Variants in DYNC1LI1 observed in about 807,000 individuals in gnomAD.
The protein encoded by DYNC1LI1 is cytoplasmic dynein 1 light intermediate chain 1.
In DYNC1LI1, 19 loss-of-function variants were observed where a neutral mutation model predicts 63.8. That is an observed-to-expected ratio of 0.30 (90% CI 0.21 to 0.44). The LOEUF (loss-of-function observed/expected upper bound fraction) is 0.44, where lower values mean the gene tolerates loss of function less well. Ranked by LOEUF, DYNC1LI1 falls within the 20% of genes least tolerant of loss-of-function variation. The probability of loss-of-function intolerance (pLI) is 1.00; values close to 1 mark genes in which losing one functional copy is unlikely to be tolerated. For missense variants in DYNC1LI1, 565 were observed against 630.2 expected, an observed-to-expected ratio of 0.90 and a Z score of 1.11; for synonymous variants, 225 against 232.3, an observed-to-expected ratio of 0.97 and a Z score of 0.28.
In DYNC1LI1 at chr3:32,541,191, T is replaced by C. The variant is rs766652876; in HGVS notation, c.584A>G (p.Gln195Arg). ...QMEQKLIRDF[Q>R]EYVEPGEDFP... ...GTCTTCTCCTGGCTCTACATATTCT[T>C]GGAAGTCTCTAATCACTGAAAATCA... Residue 195 changes from glutamine (Q) to arginine (R), a missense_variant, in exon 5 of 13, where the codon CAA (glutamine) becomes CGA (arginine). Gln to Arg is a conservative substitution (Grantham distance 43). Transcript: ENST00000273130. 8 of 1,604,376 alleles carry C rather than the reference T, an allele frequency of 5.0e-6. No homozygotes were observed. The East Asian group carries it at 1.6e-4, about 31-fold the overall frequency.
intron 12 of DYNC1LI1, among the ~76,000 whole-genome samples, 157 bp downstream of exon 12, chr3:32,528,289 G>A (rs767225495): frequency 6.6e-6 from 1 of 151,940 alleles, no homozygotes; most frequent in African/African-American, 2.4e-5. Context: ...TTTCTTTTGG[G>A]GAGATAAAAA....
chr3:32,542,884 C>T (rs1485646153), intron 4 of DYNC1LI1, among the ~76,000 whole-genome samples: 1 of 152,194 alleles, frequency 6.6e-6, no homozygotes, highest in Non-Finnish European at 1.5e-5. Context: ...AACAGGTGGG[C>T]ACCGTTCCTC....
intron 8 of DYNC1LI1, 54 bp downstream of exon 8, chr3:32,532,932 C>T (rs1697721808): frequency 4.7e-6 from 7 of 1,482,054 alleles, no homozygotes. Flanking sequence ...GTATGGAATT[C>T]CCCTCAGGTT....
intron 4 of DYNC1LI1, among the ~76,000 whole-genome samples, chr3:32,544,644 C>T (rs1054198620): frequency 4.0e-5 from 6 of 151,242 alleles, no homozygotes; most frequent in Non-Finnish European, 8.8e-5. Context: ...GGCAGGTGCC[C>T]GTAATACCAG....
intron 2 of DYNC1LI1, among the ~76,000 whole-genome samples, chr3:32,557,009 T>C (rs78062543): frequency 0.019 from 2,960 of 152,304 alleles, 41 homozygotes; most frequent in South Asian, 0.041. Flanking sequence ...TGTAAGCTCA[T>C]AATACATTCC....
chr3:32,543,679 T>C (rs566950792), intron 4 of DYNC1LI1, among the ~76,000 whole-genome samples: 2 of 151,498 alleles, frequency 1.3e-5, no homozygotes, highest in Non-Finnish European at 2.9e-5. Context: ...GCGCTGGGAT[T>C]ACAGGCGTGA....
At position 32,538,008 on chromosome 3, in the gene DYNC1LI1, A is replaced by G. The variant is rs1379505685; in HGVS notation, c.739-904T>C. ...ATATATATATATAATTTATATATAT[A>G]ATATATATATATAATTTATATATAT... On this transcript the variant is annotated intron_variant, in intron 5 of 12. Transcript: ENST00000273130. 7.6e-5 allele frequency among the ~76,000 whole-genome samples: 2 copies of G among 26,244 alleles called. 1 individual carries two copies. Among genetic ancestry groups the G allele is most frequent in the Non-Finnish European group, 1.2e-4 (2 of 16,696 alleles). 17.2% of individuals were successfully genotyped at this position (26,244 alleles called of 152,430 possible).
chr3:32,545,736 A>T, intron 3 of DYNC1LI1, 113 bp downstream of exon 3: 1 of 763,848 alleles, frequency 1.3e-6, no homozygotes, highest in South Asian at 1.5e-5. Context: ...GACCAGCATG[A>T]CATCACAGAA....
intron 3 of DYNC1LI1, 64 bp downstream of exon 3, chr3:32,545,785 C>T: frequency 1.8e-6 from 2 of 1,098,190 alleles, no homozygotes; most frequent in East Asian, 4.7e-5. Flanking sequence ...AAATCAAAGA[C>T]TAATGTGAAT....
chr3:32,567,747 A>T (rs1345872433), intron 2 of DYNC1LI1, among the ~76,000 whole-genome samples: 1 of 132,752 alleles, frequency 7.5e-6, no homozygotes, highest in East Asian at 2.4e-4. Flanking sequence ...TCTGTCACCC[A>T]GGCTGGAGTG....
rs553742450 is a variant in DYNC1LI1 at position 32,532,495 on chromosome 3, A to ATG, written c.1080+490_1080+491insCA. The stretch of plus-strand genomic sequence containing the variant: ...AAAAAAAAAAAATGTGTGTATATAT[A>ATG]TATATATATATAAAATTGAAAGTTC... On this transcript the variant is annotated intron_variant, in intron 8 of 12. Coordinates refer to ENST00000273130, the MANE Select transcript of DYNC1LI1 (RefSeq NM_016141.4). The ATG allele has an allele frequency of 1.3e-3, 186 of 146,728 alleles. 3 individuals are homozygous for ATG. The highest frequency in any genetic ancestry group is 4.2e-3 in the African/African-American group (166 of 39,586). 9.1% of individuals were successfully genotyped at this position (146,728 alleles called of 1,614,324 possible). A position where few individuals can be genotyped will look rare whatever the true frequency, so the allele number is the denominator to read the frequency against.
chr3:32,565,126 A>C (rs1412175681), intron 2 of DYNC1LI1, among the ~76,000 whole-genome samples: 1 of 152,232 alleles, frequency 6.6e-6, no homozygotes, highest in Non-Finnish European at 1.5e-5. Context: ...TAAATGGCCC[A>C]CATCTATATT....
intron 5 of DYNC1LI1, among the ~76,000 whole-genome samples, chr3:32,538,924 G>T (rs1575151274): frequency 6.6e-6 from 1 of 152,070 alleles, no homozygotes; most frequent in African/African-American, 2.4e-5. Context: ...TAGTGTCTTA[G>T]ATTTTATGAA....
At chr3:32,544,494 G>A (rs62252797) in intron 4 of DYNC1LI1, among the ~76,000 whole-genome samples, 1 of 152,146 alleles carries the variant, frequency 6.6e-6, no homozygotes, top group East Asian at 1.9e-4. Context: ...TTACAGGCTG[G>A]GCCGGTGGCT....
intron 5 of DYNC1LI1, among the ~76,000 whole-genome samples, chr3:32,537,900 A>ATAATTTATT (rs1491559622): frequency 1.2e-4 from 8 of 64,332 alleles, no homozygotes; most frequent in African/African-American, 5.9e-4. Context: ...TTATATATAT[A>ATAATTTATT]ATATATATAT....
Position 32,570,713 on chromosome 3 carries a change from T to C in DYNC1LI1, c.58A>G (p.Thr20Ala). The C allele has an allele frequency of 6.2e-7, 1 of 1,608,942 alleles. No homozygotes were observed. Among genetic ancestry groups the C allele is most frequent in the Non-Finnish European group, 8.5e-7 (1 of 1,177,734 alleles). ...TTGCCCAAGGGGCCGCCAGTGTAAG[T>C]CGAGGATAATCCCGGCGGAGAAGAA... is the stretch of plus-strand genomic sequence containing the variant. ...FGSSPPGLSS[T>A]YTGGPLGNEI... Residue 20 changes from threonine to alanine, a missense_variant, in exon 1 of 13, where the codon ACT (threonine) becomes GCT (alanine). Coordinates refer to ENST00000273130, the MANE Select transcript of DYNC1LI1 (RefSeq NM_016141.4).
At chr3:32,547,289 A>G (rs1559439789) in intron 2 of DYNC1LI1, among the ~76,000 whole-genome samples, 1 of 152,120 alleles carries the variant, frequency 6.6e-6, no homozygotes, top group Admixed American at 6.6e-5. Context: ...TGTTTTGGTG[A>G]GGGCTTTTTA....
rs1344210324 is a variant in DYNC1LI1 at position 32,541,100 on chromosome 3, T to A, written c.675A>T (p.Leu225Phe). 6.2e-7 allele frequency: 1 copy of A among 1,613,714 alleles called. No individual in the cohort carries two copies. Residue 225 changes from leucine to phenylalanine, a missense_variant, in exon 5 of 13, where the codon TTA (leucine) becomes TTT (phenylalanine). Coordinates refer to ENST00000273130, the MANE Select transcript of DYNC1LI1 (RefSeq NM_016141.4). ...GTGTAAGTGTATCCGCACCCAGAGG[T>A]AAAACTACACTGTCATCTTTGTCTT... ...SQEDKDDSVV[L>F]PLGADTLTHN...
intron 2 of DYNC1LI1, among the ~76,000 whole-genome samples, chr3:32,569,349 T>A (rs1357841776): frequency 6.6e-6 from 1 of 152,214 alleles, no homozygotes; most frequent in Admixed American, 6.5e-5. Flanking sequence ...GGCAGCAGTC[T>A]ATTAAAAAAG....
Sources: gnomAD v4.1 joint callset for allele counts (sites outside exome capture counted in the v4.1 genomes callset) on GRCh38, gnomAD v4.1.1 for gene constraint, MANE v1.5 for transcripts, NCBI Gene and HGNC (gene_info 2026-07-23, HGNC 2026-07-21) for gene names.